LRRFIP1: variants seen among roughly 807,000 people sequenced by gnomAD.
LRRFIP1 encodes leucine-rich repeat flightless-interacting protein 1.
Under a neutral mutation model 104.4 loss-of-function variants are expected in LRRFIP1, and 62 were observed. The observed-to-expected ratio is 0.59, with a 90% CI of 0.48 to 0.73. The LOEUF is 0.73. Among genes scored for constraint, LRRFIP1 ranks in the 30% least tolerant of loss-of-function variants. The probability of loss-of-function intolerance (pLI) is 0.00; values close to 1 mark genes in which losing one functional copy is unlikely to be tolerated. For missense variants in LRRFIP1, 796 were observed against 824.5 expected (o/e 0.97, Z 0.42); for synonymous variants, 300 against 299.0 (o/e 1.00, Z -0.03).
rs116122912 is a variant in LRRFIP1 at position 237,699,146 on chromosome 2, C to T, written c.97-9398C>T. On this transcript the variant is annotated intron_variant, in intron 1 of 23. Coordinates refer to ENST00000308482, the MANE Select transcript of LRRFIP1 (RefSeq NM_001137550.2). ...CCACCCCTCATGTTGCTGTCTATGA[C>T]GTGACATTCTACAAAGTTGACTAAC... is the stretch of plus-strand genomic sequence containing the variant. Among the ~76,000 whole-genome samples, 1,161 of 152,246 alleles carry T rather than the reference C, an allele frequency of 7.6e-3. 15 individuals are homozygous for T. Among genetic ancestry groups the T allele is most frequent in the African/African-American group, 0.026 (1,097 of 41,540 alleles).
intron 1 of LRRFIP1, among the ~76,000 whole-genome samples, chr2:237,676,985 A>G (rs1241595664): frequency 6.6e-6 from 1 of 152,240 alleles, no homozygotes; most frequent in Non-Finnish European, 1.5e-5. Context: ...TTGTGATTAC[A>G]TAAACAAAAG....
chr2:237,743,238 G>A (rs551489944), intron 11 of LRRFIP1, among the ~76,000 whole-genome samples: 4 of 151,958 alleles, frequency 2.6e-5, no homozygotes, highest in Admixed American at 6.5e-5. Flanking sequence ...AGGGAGTCCC[G>A]CCCTGGGTTT....
chr2:237,685,407 T>C (rs1446297957), intron 1 of LRRFIP1, among the ~76,000 whole-genome samples: 1 of 152,200 alleles, frequency 6.6e-6, no homozygotes, highest in Non-Finnish European at 1.5e-5. Context: ...TTTAATGGTG[T>C]AATGTAACGC....
At chr2:237,739,170 T>A (rs921461138) in intron 10 of LRRFIP1, 62 bp from the exon 11 acceptor site, 32 of 1,441,444 alleles carry the variant, frequency 2.2e-5, no homozygotes, top group Middle Eastern at 3.6e-4. Flanking sequence ...TTCTCCTTGC[T>A]CCTTTGCTGA....
intron 5 of LRRFIP1, among the ~76,000 whole-genome samples, chr2:237,720,446 C>T (rs897300528): frequency 4.0e-5 from 6 of 151,872 alleles, no homozygotes; most frequent in African/African-American, 7.3e-5. Context: ...CAGAGTGTTT[C>T]GCCTTGTTGG....
intron 1 of LRRFIP1, among the ~76,000 whole-genome samples, chr2:237,657,174 C>T (rs953298696): frequency 4.6e-5 from 7 of 151,740 alleles, no homozygotes; most frequent in Admixed American, 6.6e-5. Context: ...TGAGGATGCA[C>T]GTACCAGCCA....
chr2:237,751,193 C>T lies in LRRFIP1; in HGVS notation c.796-7C>T. 6.3e-7 allele frequency: 1 copy of T among 1,598,662 alleles called. No homozygotes were observed. The highest frequency in any genetic ancestry group is 1.3e-5 in the African/African-American group (1 of 74,420). ...ACATCATCTGCCTTTTTTGCCATTT[C>T]CCCCAGGAACTCAATGAGTTAAAGG... is the stretch of plus-strand genomic sequence containing the variant. On this transcript the variant is annotated splice_polypyrimidine_tract_variant and splice_region_variant and intron_variant, in intron 13 of 23. Transcript: ENST00000308482.
chr2:237,692,572 C>T (rs1264917097), intron 1 of LRRFIP1: 1 of 1,465,912 alleles, frequency 6.8e-7, no homozygotes, highest in Non-Finnish European at 9.1e-7. Flanking sequence ...GGCGGGGTTT[C>T]AGGGGCTTCC....
chr2:237,738,912 A>G (rs2095333079), intron 10 of LRRFIP1, among the ~76,000 whole-genome samples: 1 of 152,228 alleles, frequency 6.6e-6, no homozygotes, highest in Non-Finnish European at 1.5e-5. Context: ...AGTCATTTCC[A>G]CATCCACGGG....
chr2:237,700,673 T>C (rs529759235), intron 1 of LRRFIP1, among the ~76,000 whole-genome samples: 2 of 152,344 alleles, frequency 1.3e-5, no homozygotes, highest in African/African-American at 4.8e-5. Flanking sequence ...CTGCTGTTCA[T>C]GGTCCAGTCC....
At chr2:237,681,861 A>G (rs975079667) in intron 1 of LRRFIP1, among the ~76,000 whole-genome samples, 16 of 150,060 alleles carry the variant, frequency 1.1e-4, no homozygotes, top group Admixed American at 6.0e-4. Context: ...TTGTATTTTT[A>G]GTAGAGACGG....
At chr2:237,629,463 T>G (rs1206762013) in intron 1 of LRRFIP1, among the ~76,000 whole-genome samples, 1 of 130,770 alleles carries the variant, frequency 7.6e-6, no homozygotes, top group Non-Finnish European at 1.7e-5. Flanking sequence ...GGTGTTTCTT[T>G]CTTCTTTTTT....
chr2:237,765,933 T>A lies in LRRFIP1; in HGVS notation c.1460-4010T>A, dbSNP rs1019612667. Reference sequence around the variant, plus strand: ...TTGTGCAAGCCTGTGGTTCCACTCTTTGGGCTGCTTGAAGTCTGAGTCTGA... The same window carrying A: ...TTGTGCAAGCCTGTGGTTCCACTCTATGGGCTGCTTGAAGTCTGAGTCTGA... On this transcript the variant is annotated intron_variant, in intron 19 of 23. Coordinates refer to ENST00000308482, the MANE Select transcript of LRRFIP1 (RefSeq NM_001137550.2). 1.0e-5 allele frequency: 10 copies of A among 984,192 alleles called. No individual in the cohort carries two copies. The Admixed American group carries it at 1.8e-4, about 18-fold the overall frequency. 61.0% of individuals were successfully genotyped at this position (984,192 alleles called of 1,614,324 possible). A position where few individuals can be genotyped will look rare whatever the true frequency, so the allele number is the denominator to read the frequency against.
chr2:237,657,036 G>A (rs2086934002), intron 1 of LRRFIP1, among the ~76,000 whole-genome samples: 1 of 152,176 alleles, frequency 6.6e-6, no homozygotes, highest in Non-Finnish European at 1.5e-5. Context: ...TTCTGAAGAA[G>A]AGCCCCCAAA....
chr2:237,713,288 A>G (rs756758772), intron 2 of LRRFIP1, among the ~76,000 whole-genome samples: 4 of 152,208 alleles, frequency 2.6e-5, no homozygotes, highest in Non-Finnish European at 5.9e-5. Flanking sequence ...GCGAGAACCC[A>G]CTACAGCTTA....
chr2:237,654,610 G>T (rs2086487391), intron 1 of LRRFIP1, among the ~76,000 whole-genome samples: 1 of 151,908 alleles, frequency 6.6e-6, no homozygotes, highest in South Asian at 2.1e-4. Context: ...GAGTGCAATG[G>T]CGCAATCTCT....
In LRRFIP1 at chr2:237,763,172, G is replaced by C. The variant is rs778287673; in HGVS notation, c.1459+2967G>C. On this transcript the variant is annotated intron_variant, in intron 19 of 23. Coordinates refer to ENST00000308482, the MANE Select transcript of LRRFIP1 (RefSeq NM_001137550.2). ...CCAGGAAGCAGCTGAGCCCAAGGAGGTTCCAGCGCACAGTACAGAAGTAGG... is the reference window on the plus strand; with the variant it reads ...CCAGGAAGCAGCTGAGCCCAAGGAGCTTCCAGCGCACAGTACAGAAGTAGG... The C allele has an allele frequency of 2.5e-6, 4 of 1,614,056 alleles. No homozygotes were observed. Among genetic ancestry groups the C allele is most frequent in the South Asian group, 2.2e-5 (2 of 91,078 alleles).
rs1051449951 is a variant in LRRFIP1, at chr2:237,712,636, CGTGTGCATGTGT to C, written c.184-1607_184-1596del. ...GTGTGCGCACGCATTCGTGTGTGTG[CGTGTGCATGTGT>C]GTGTGCATGTGTGTGCATGTGCGCT... On this transcript the variant is annotated intron_variant, in intron 2 of 23. Coordinates refer to ENST00000308482, the MANE Select transcript of LRRFIP1 (RefSeq NM_001137550.2). 6.6e-4 allele frequency among the ~76,000 whole-genome samples: 101 copies of C among 152,062 alleles called. No homozygotes were observed. The East Asian group carries it at 0.015, about 23-fold the overall frequency.
chr2:237,760,272 T>C, intron 19 of LRRFIP1, 67 bp downstream of exon 19: 1 of 1,547,988 alleles, frequency 6.5e-7, no homozygotes, highest in South Asian at 1.2e-5. Flanking sequence ...CTCCATGCAC[T>C]GCTGGGGTTG....
Sources: allele counts gnomAD v4.1 joint callset (sites outside exome capture counted in the v4.1 genomes callset), GRCh38; gene constraint gnomAD v4.1.1; transcripts MANE v1.5; gene names NCBI Gene and HGNC (gene_info 2026-07-23, HGNC 2026-07-21).